ANO3: variants seen among roughly 807,000 people sequenced by gnomAD.
ANO3 encodes anoctamin 3, also known as anoctamin-3.
ANO3 carries 99 observed loss-of-function variants against 144.8 expected under a neutral mutation model. The observed-to-expected ratio is 0.68, with a 90% CI of 0.58 to 0.81. The LOEUF is 0.81. Among genes scored for constraint, ANO3 ranks in the 30% least tolerant of loss-of-function variants. ANO3 has a pLI of 0.00. For synonymous variants in ANO3, 414 were observed against 392.6 expected, an observed-to-expected ratio of 1.05 and a Z score of -0.64; for missense variants, 905 against 1,202.2, an observed-to-expected ratio of 0.75 and a Z score of 3.66.
chr11:26,553,963 A>G (rs1037826828), intron 13 of ANO3, among the ~76,000 whole-genome samples: 19 of 152,168 alleles, frequency 1.2e-4, no homozygotes, highest in African/African-American at 4.3e-4. Context: ...CATGTAATGA[A>G]ATGTACCTAC....
intron 1 of ANO3, among the ~76,000 whole-genome samples, chr11:26,265,682 G>A (rs1190578604): frequency 2.0e-5 from 3 of 152,050 alleles, no homozygotes; most frequent in East Asian, 1.9e-4. Flanking sequence ...ATAGCCCTTC[G>A]GCAGAGGTTA....
intron 1 of ANO3, among the ~76,000 whole-genome samples, chr11:26,259,192 TCTA>T (rs778353422): frequency 4.6e-5 from 7 of 152,196 alleles, no homozygotes; most frequent in Non-Finnish European, 8.8e-5. Flanking sequence ...CTCTCTCTCT[TCTA>T]CTGCCACTGA....
chr11:26,541,982 T>C lies in ANO3; in HGVS notation c.1068T>C (p.His356=). The change falls in exon 11 of 27, where the codon CAT becomes CAC. Residue 356 remains histidine, a synonymous_variant. Transcript: ENST00000256737. ...AYKSSQPIKT[H]GPQNNRHLLY... is the part of the protein sequence containing the mutation. ...AAAGTAGCCAGCCCATTAAAACCCA[T>C]GGACCTCAGAATAACAGACATCTAT... 1 of 1,612,772 alleles carries C rather than the reference T, an allele frequency of 6.2e-7. No homozygotes were observed. Among genetic ancestry groups the C allele is most frequent in the South Asian group, 1.1e-5 (1 of 90,986 alleles).
In ANO3 at chr11:26,553,237, T is replaced by TTTTTTTAAAAAACCAAAAAAA; in HGVS notation, c.1290-7_1290-6insTAAAAAACCAAAAAAATTTTT. The TTTTTTTAAAAAACCAAAAAAA allele has an allele frequency of 7.2e-7, 1 of 1,398,442 alleles. No individual in the cohort carries two copies. Among genetic ancestry groups the TTTTTTTAAAAAACCAAAAAAA allele is most frequent in the Non-Finnish European group, 9.5e-7 (1 of 1,055,464 alleles). 86.6% of individuals were successfully genotyped at this position (1,398,442 alleles called of 1,614,324 possible). A position where few individuals can be genotyped will look rare whatever the true frequency, so the allele number is the denominator to read the frequency against. On this transcript the variant is annotated splice_polypyrimidine_tract_variant and intron_variant, in intron 12 of 26. Transcript: ENST00000256737. ...ATGTTTTGTTTTGTTTTTGTTTTTG[T>TTTTTTTAAAAAACCAAAAAAA]TTTTTCTCAAGCCAAGAAATTTGTA...
Position 26,553,219 on chromosome 11 carries a change from G to GTTTTTTTT in ANO3, c.1290-26_1290-25insTTTTTTTT, listed in dbSNP as rs201093158. On this transcript the variant is annotated intron_variant, in intron 12 of 26. Coordinates refer to ENST00000256737, the MANE Select transcript of ANO3 (RefSeq NM_031418.4). ...TAGTCACAGTTTCATGCTATGTTTT[G>GTTTTTTTT]TTTTGTTTTTGTTTTTGTTTTTTCT... is the stretch of plus-strand genomic sequence containing the variant. 577 of 1,198,236 alleles carry GTTTTTTTT rather than the reference G, an allele frequency of 4.8e-4. 29 individuals are homozygous for GTTTTTTTT. Among genetic ancestry groups the GTTTTTTTT allele is most frequent in the South Asian group, 1.5e-3 (117 of 76,258 alleles). 74.2% of individuals were successfully genotyped at this position (1,198,236 alleles called of 1,614,324 possible).
intron 1 of ANO3, among the ~76,000 whole-genome samples, chr11:26,432,917 GT>G (rs1342001035): frequency 6.6e-6 from 1 of 152,106 alleles, no homozygotes; most frequent in Non-Finnish European, 1.5e-5. Context: ...TTTTAAAATA[GT>G]TTTTTTCTAA....
intron 18 of ANO3, among the ~76,000 whole-genome samples, chr11:26,625,409 C>A (rs1380428103): frequency 6.6e-6 from 1 of 152,170 alleles, no homozygotes; most frequent in Admixed American, 6.5e-5. Flanking sequence ...CTCCATCTTT[C>A]ATTATCTGAT....
chr11:26,265,710 A>G (rs1449315959), intron 1 of ANO3, among the ~76,000 whole-genome samples: 1 of 152,148 alleles, frequency 6.6e-6, no homozygotes, highest in East Asian at 1.9e-4. Context: ...TTTCTAGCAC[A>G]CGTAATGGTG....
At chr11:26,538,360 T>C (rs998620760) in intron 10 of ANO3, among the ~76,000 whole-genome samples, 7 of 152,194 alleles carry the variant, frequency 4.6e-5, no homozygotes, top group Non-Finnish European at 1.5e-5. Context: ...TACATACTTA[T>C]AGTAAGAATA....
At position 26,269,865 on chromosome 11, in the gene ANO3, A is replaced by G. The variant is rs145380417; in HGVS notation, c.155-39780A>G. Among the ~76,000 whole-genome samples, 117 of 152,332 alleles carry G rather than the reference A, an allele frequency of 7.7e-4. 1 individual carries two copies. The highest frequency in any genetic ancestry group is 2.4e-3 in the African/African-American group (100 of 41,588). On this transcript the variant is annotated intron_variant, in intron 1 of 27. Transcript: ENST00000672621. ...ATCCCCAGTACCTCTCAATGTGACC[A>G]TATTTGAAGATAGGGTCTTTAAGGG... is the stretch of plus-strand genomic sequence containing the variant.
intron 4 of ANO3, among the ~76,000 whole-genome samples, chr11:26,480,145 T>G (rs932664937): frequency 6.6e-6 from 1 of 152,228 alleles, no homozygotes; most frequent in South Asian, 2.1e-4. Flanking sequence ...AACAGTCTCA[T>G]GCAGAAACTT....
At chr11:26,559,817 C>G (rs1565103720) in intron 14 of ANO3, 38 bp downstream of exon 14, 6 of 1,310,792 alleles carry the variant, frequency 4.6e-6, no homozygotes, top group Middle Eastern at 2.5e-4. Context: ...CCCTTATTTT[C>G]TGAAGCTGTT....
chr11:26,474,094 T>C (rs1473851321), intron 4 of ANO3: 2 of 985,058 alleles, frequency 2.0e-6, no homozygotes, highest in Non-Finnish European at 2.4e-6. Flanking sequence ...CAATGAAGGA[T>C]TCCAAATGCA....
intron 6 of ANO3, among the ~76,000 whole-genome samples, chr11:26,518,256 A>T (rs1156921126): frequency 6.6e-6 from 1 of 152,040 alleles, no homozygotes; most frequent in Non-Finnish European, 1.5e-5. Context: ...AAAATACTTG[A>T]CTGGGACTTA....
chr11:26,463,030 C>A lies in ANO3; in HGVS notation c.314C>A (p.Ala105Asp), dbSNP rs755864886. ...SFADLSDFCL[A>D]LGKDKDYTDE... ...ATAACTTTCTCTTTCTCTTTTATAGCCCTAGGAAAAGATAAGGATTACACG... is the reference window on the plus strand; with the variant it reads ...ATAACTTTCTCTTTCTCTTTTATAGACCTAGGAAAAGATAAGGATTACACG... The change falls in exon 4 of 27, where the codon GCC (alanine) becomes GAC (aspartate). Residue 105 changes from alanine to aspartate, a missense_variant and splice_region_variant. By Grantham distance (126) the Ala-to-Asp change is moderately radical. Coordinates refer to ENST00000256737, the MANE Select transcript of ANO3 (RefSeq NM_031418.4). The A allele has an allele frequency of 1.1e-5, 16 of 1,487,266 alleles. No individual in the cohort carries two copies. The highest frequency in any genetic ancestry group is 4.1e-5 in the Admixed American group (2 of 48,980). The allele number at this position is 1,487,266 out of a possible 1,614,324, so 92.1% of individuals were successfully genotyped here.
intron 1 of ANO3, among the ~76,000 whole-genome samples, chr11:26,235,038 G>A (rs1490285287): frequency 6.6e-6 from 1 of 151,378 alleles, no homozygotes; most frequent in Non-Finnish European, 1.5e-5. Flanking sequence ...AGGGGAGAGC[G>A]AGAGTGAAAT....
At chr11:26,314,585 C>T (rs1854578985) in intron 1 of ANO3, among the ~76,000 whole-genome samples, 1 of 152,014 alleles carries the variant, frequency 6.6e-6, no homozygotes, top group African/African-American at 2.4e-5. Context: ...GCCAACCTTC[C>T]CCTCCTTCTT....
In ANO3 at chr11:26,531,343, T is replaced by A. The variant is rs371108677; in HGVS notation, c.869+7T>A. 91 of 1,598,212 alleles carry A rather than the reference T, an allele frequency of 5.7e-5. No individual in the cohort carries two copies. Among genetic ancestry groups the A allele is most frequent in the Non-Finnish European group, 6.9e-5 (81 of 1,174,088 alleles). ...GCCGTGCACGGATTCACCAGTGAGT[T>A]CCCCTCTTTTTTCATACTGCCTACC... is the stretch of plus-strand genomic sequence containing the variant. On this transcript the variant is annotated splice_region_variant and intron_variant, in intron 8 of 26. Transcript: ENST00000256737.
At chr11:26,379,921 G>A (rs2045703) in intron 1 of ANO3, among the ~76,000 whole-genome samples, 80,098 of 151,992 alleles carry the variant, frequency 0.53, 22,376 homozygotes, top group East Asian at 0.68. Context: ...AACACCTTGA[G>A]CATTTAGATG....
Sources: gnomAD v4.1 joint callset for allele counts (sites outside exome capture counted in the v4.1 genomes callset) on GRCh38, gnomAD v4.1.1 for gene constraint, MANE v1.5 for transcripts, NCBI Gene and HGNC (gene_info 2026-07-23, HGNC 2026-07-21) for gene names.